NOTCH2NLA: variants seen among roughly 807,000 people sequenced by gnomAD.
NOTCH2NLA encodes the protein notch 2 N-terminal like A.
At chr1:146,162,211 T>C (rs1553804642) in intron 3 of NOTCH2NLA, among the ~76,000 whole-genome samples, 1 of 142,938 alleles carries the variant, frequency 7.0e-6, no homozygotes, top group Non-Finnish European at 1.5e-5. Flanking sequence ...CACATCAGCA[T>C]TTAAGTATCG....
At chr1:146,228,165 C>G (rs2102381215) in intron 1 of NOTCH2NLA, among the ~76,000 whole-genome samples, 1 of 141,512 alleles carries the variant, frequency 7.1e-6, no homozygotes, top group South Asian at 2.2e-4. Flanking sequence ...CGCAAAACCC[C>G]GTCCCCATCC....
chr1:146,194,951 C>T (rs587733483), intron 1 of NOTCH2NLA, among the ~76,000 whole-genome samples: 6 of 112,242 alleles, frequency 5.3e-5, no homozygotes, highest in African/African-American at 2.3e-4. Flanking sequence ...TTCCTCATTA[C>T]TATCTAAATT....
chr1:146,180,494 T>C (rs1274798608), intron 2 of NOTCH2NLA, among the ~76,000 whole-genome samples: 18 of 142,216 alleles, frequency 1.3e-4, no homozygotes, highest in African/African-American at 4.2e-4. Context: ...AGTCTAAGAA[T>C]TGGCAATACA....
rs1272266307 is a variant in NOTCH2NLA at position 146,180,709 on chromosome 1, C to T, written c.38+8591G>A. ...TGCATACACACATATGACAGGAGGA[C>T]GGAGAGACACTAAACTTCATTCCTA... On this transcript the variant is annotated intron_variant, in intron 2 of 4. Transcript: ENST00000362074. Among the ~76,000 whole-genome samples, 17 of 142,354 alleles carry T rather than the reference C, an allele frequency of 1.2e-4. 2 individuals carry two copies. Among genetic ancestry groups the T allele is most frequent in the African/African-American group, 2.4e-4 (10 of 41,020 alleles). 93.4% of individuals were successfully genotyped at this position (142,354 alleles called of 152,430 possible).
At chr1:146,174,400 CTTTTTTT>C (rs1209878010) in intron 2 of NOTCH2NLA, among the ~76,000 whole-genome samples, 5 of 95,780 alleles carry the variant, frequency 5.2e-5, no homozygotes, top group East Asian at 2.6e-4. Context: ...CTGTCTTTAG[CTTTTTTT>C]TTTTTTTTTT....
At chr1:146,174,400 CTTTTTT>C (rs1209878010) in intron 2 of NOTCH2NLA, among the ~76,000 whole-genome samples, 330 of 95,710 alleles carry the variant, frequency 3.4e-3, no homozygotes, top group African/African-American at 9.8e-3. Context: ...CTGTCTTTAG[CTTTTTT>C]TTTTTTTTTT....
intron 3 of NOTCH2NLA, among the ~76,000 whole-genome samples, chr1:146,158,241 G>A (rs1661263211): frequency 6.7e-6 from 1 of 148,880 alleles, no homozygotes; most frequent in Non-Finnish European, 1.5e-5. Context: ...ATGTATATAT[G>A]TGCCATGTTG....
rs1553813675 is a variant in NOTCH2NLA, at chr1:146,200,438, A to ATAT, written c.-44-11058_-44-11057insATA. Reference sequence around the variant, plus strand: ...ACTCTGCCTGAGAAAAAAAAAAAAAAATATATATATATATATATATTCCTG... The same window carrying ATAT: ...ACTCTGCCTGAGAAAAAAAAAAAAAATATATATATATATATATATATATTCCTG... On this transcript the variant is annotated intron_variant, in intron 1 of 4. Transcript: ENST00000362074. Among the ~76,000 whole-genome samples, 11 of 19,848 alleles carry ATAT rather than the reference A, an allele frequency of 5.5e-4. 3 individuals are homozygous for ATAT. Among genetic ancestry groups the ATAT allele is most frequent in the Admixed American group, 3.2e-3 (5 of 1,582 alleles). 13.0% of individuals were successfully genotyped at this position (19,848 alleles called of 152,430 possible).
exon 1 of NOTCH2NLA, chr1:146,228,874 T>G (rs1553820558): frequency 4.8e-6 from 7 of 1,471,700 alleles, no homozygotes; most frequent in South Asian, 1.3e-5. Context: ...CACTCTCTCC[T>G]CCCCTCCTCC....
In NOTCH2NLA at chr1:146,219,622, G is replaced by A. The variant is rs1432545745; in HGVS notation, c.-45+9087C>T. ...AAGTAGGAAAAAAGGCAATACAAACGCCACTGATGATATGAAAAAACATTC... is the reference window on the plus strand; with the variant it reads ...AAGTAGGAAAAAAGGCAATACAAACACCACTGATGATATGAAAAAACATTC... On this transcript the variant is annotated intron_variant, in intron 1 of 4. Transcript: ENST00000362074. Among the ~76,000 whole-genome samples, 9 of 103,724 alleles carry A rather than the reference G, an allele frequency of 8.7e-5. 3 individuals carry two copies. The highest frequency in any genetic ancestry group is 2.0e-4 in the African/African-American group (4 of 19,622). 68.0% of individuals were successfully genotyped at this position (103,724 alleles called of 152,430 possible). A position where few individuals can be genotyped will look rare whatever the true frequency, so the allele number is the denominator to read the frequency against.
chr1:146,180,707 G>A (rs1340392249), intron 2 of NOTCH2NLA, among the ~76,000 whole-genome samples: 1 of 142,462 alleles, frequency 7.0e-6, no homozygotes, highest in Non-Finnish European at 1.6e-5. Context: ...ATGACAGGAG[G>A]ACGGAGAGAC....
chr1:146,159,424 A>AAAGAAAGAAAGG (rs1661363516), intron 3 of NOTCH2NLA, among the ~76,000 whole-genome samples: 2 of 150,336 alleles, frequency 1.3e-5, no homozygotes, highest in Non-Finnish European at 3.0e-5. Context: ...AGAAAGAAAG[A>AAAGAAAGAAAGG]AAGAAAGAAA....
At chr1:146,159,458 A>G (rs1217390496) in intron 3 of NOTCH2NLA, among the ~76,000 whole-genome samples, 2 of 151,506 alleles carry the variant, frequency 1.3e-5, no homozygotes, top group Non-Finnish European at 2.9e-5. Context: ...AGAAAGAAAG[A>G]AAGAAAGGAA....
chr1:146,171,430 CAA>C (rs11381117), intron 2 of NOTCH2NLA, among the ~76,000 whole-genome samples: 1 of 125,914 alleles, frequency 7.9e-6, no homozygotes, highest in Admixed American at 8.3e-5. Context: ...GACTCCCTCT[CAA>C]AAAAAAAAAA....
rs1427951729 is a variant in NOTCH2NLA at position 146,186,175 on chromosome 1, G to A, written c.38+3125C>T. 1.5e-4 allele frequency among the ~76,000 whole-genome samples: 20 copies of A among 133,898 alleles called. 5 individuals carry two copies. Among genetic ancestry groups the A allele is most frequent in the Non-Finnish European group, 2.8e-4 (16 of 57,962 alleles). The allele number at this position is 133,898 out of a possible 152,430, so 87.8% of individuals were successfully genotyped here. A position where few individuals can be genotyped will look rare whatever the true frequency, so the allele number is the denominator to read the frequency against. Reference sequence around the variant, plus strand: ...GAATCACTCTCTTTATACAAGTTTTGTTGTTCATCTTGGTCTCCCAAAAGG... The same window carrying A: ...GAATCACTCTCTTTATACAAGTTTTATTGTTCATCTTGGTCTCCCAAAAGG... On this transcript the variant is annotated intron_variant, in intron 2 of 4. Transcript: ENST00000362074.
At chr1:146,176,539 TAC>T (rs1662264323) in intron 2 of NOTCH2NLA, among the ~76,000 whole-genome samples, 1 of 129,452 alleles carries the variant, frequency 7.7e-6, no homozygotes, top group East Asian at 2.0e-4. Context: ...TTTGACAGTA[TAC>T]ATTGTATTCA....
intron 3 of NOTCH2NLA, among the ~76,000 whole-genome samples, chr1:146,160,011 G>A (rs1661425611): frequency 1.5e-5 from 1 of 68,312 alleles, no homozygotes; most frequent in Non-Finnish European, 3.1e-5. Flanking sequence ...TCAGAATCTT[G>A]CAGAACACAC....
chr1:146,159,427 G>GAAAGAAAGAAAGAA (rs1661364686), intron 3 of NOTCH2NLA, among the ~76,000 whole-genome samples: 2 of 149,716 alleles, frequency 1.3e-5, no homozygotes, highest in Non-Finnish European at 3.0e-5. Context: ...AAGAAAGAAA[G>GAAAGAAAGAAAGAA]AAAGAAAGAA....
intron 2 of NOTCH2NLA, among the ~76,000 whole-genome samples, chr1:146,167,111 C>CA (rs1296190751): frequency 5.9e-4 from 53 of 90,268 alleles, no homozygotes; most frequent in African/African-American, 1.4e-3. Context: ...GATTCCATCT[C>CA]AAAAAAAAAA....
Sources: gnomAD v4.1 joint callset for allele counts (sites outside exome capture counted in the v4.1 genomes callset) on GRCh38, gnomAD v4.1.1 for gene constraint, MANE v1.5 for transcripts, NCBI Gene and HGNC (gene_info 2026-07-23, HGNC 2026-07-21) for gene names.